The following PITPNA variants were observed in gnomAD, a reference collection of about 807,000 sequenced individuals.
The protein encoded by PITPNA is phosphatidylinositol transfer protein alpha.
In PITPNA, 13 loss-of-function variants were observed where a neutral mutation model predicts 50.3. That is an observed-to-expected ratio of 0.26 (90% confidence interval 0.17 to 0.41). The LOEUF (loss-of-function observed/expected upper bound fraction) is 0.41, where lower values mean the gene tolerates loss of function less well. Among genes scored for constraint, PITPNA ranks in the 10% least tolerant of loss-of-function variants. The pLI is 1.00. For synonymous variants in PITPNA, 120 were observed against 119.6 expected (o/e 1.00, Z -0.02); for missense variants, 207 against 333.4 (o/e 0.62, Z 2.95).
chr17:1,561,588 G>A (rs1373629060), intron 1 of PITPNA, among the ~76,000 whole-genome samples: 2 of 151,844 alleles, frequency 1.3e-5, no homozygotes, highest in African/African-American at 2.4e-5. Flanking sequence ...TCTCCACTTC[G>A]GACCCTACCC....
chr17:1,542,872 C>T lies in PITPNA; in HGVS notation c.297+148G>A, dbSNP rs2075654699. On this transcript the variant is annotated intron_variant, in intron 5 of 11. Transcript: ENST00000313486. ...AGGTCATCATGCCAGTTAACAGGTT[C>T]CTTGTTAGTCCACTGACAGGACTGA... The T allele has an allele frequency of 2.3e-5, 14 of 609,580 alleles. No homozygotes were observed. The Admixed American group carries it at 3.8e-4, about 16-fold the overall frequency. The allele number at this position is 609,580 out of a possible 1,614,324, so 37.8% of individuals were successfully genotyped here.
chr17:1,526,023 C>T (rs2075545715), intron 10 of PITPNA, among the ~76,000 whole-genome samples: 1 of 152,252 alleles, frequency 6.6e-6, no homozygotes, highest in African/African-American at 2.4e-5. Flanking sequence ...ACACCCCCCT[C>T]CACTATATGG....
intron 4 of PITPNA, among the ~76,000 whole-genome samples, chr17:1,545,750 C>G (rs2075670503): frequency 6.6e-6 from 1 of 152,090 alleles, no homozygotes; most frequent in South Asian, 2.1e-4. Flanking sequence ...CAGAATGACA[C>G]AGAGAACAGG....
chr17:1,522,743 C>A (rs2075522830), intron 10 of PITPNA, among the ~76,000 whole-genome samples: 1 of 152,214 alleles, frequency 6.6e-6, no homozygotes, highest in Admixed American at 6.5e-5. Flanking sequence ...ACTAAACAGA[C>A]CAGTTCTCTC....
chr17:1,518,741 C>T lies in PITPNA; in HGVS notation c.*1820G>A, dbSNP rs2075489715. ...TCTTTCAAGATAACCCGCATCTGGA[C>T]TTCCCCTAGTTGATGAATGAAGGAA... On this transcript the variant is annotated 3_prime_UTR_variant, in exon 12 of 12. Coordinates refer to ENST00000313486, the MANE Select transcript of PITPNA (RefSeq NM_006224.4). 1 of 152,248 alleles carries T rather than the reference C, an allele frequency of 6.6e-6. No individual in the cohort carries two copies. Among genetic ancestry groups the T allele is most frequent in the African/African-American group, 2.4e-5 (1 of 41,462 alleles). 9.4% of individuals were successfully genotyped at this position (152,248 alleles called of 1,614,324 possible).
chr17:1,547,348 A>G (rs1263255811), intron 4 of PITPNA, among the ~76,000 whole-genome samples: 1 of 152,206 alleles, frequency 6.6e-6, no homozygotes, highest in Non-Finnish European at 1.5e-5. Context: ...CCTGGACAAC[A>G]GAGTGAGACA....
intron 1 of PITPNA, 35 bp from the exon 2 acceptor site, chr17:1,558,594 G>A (rs112883596): frequency 6.5e-7 from 1 of 1,535,660 alleles, no homozygotes; most frequent in Non-Finnish European, 9.0e-7. Context: ...TCAACTTTAG[G>A]CTGTGCAATC....
rs1277365072 is a variant in PITPNA at position 1,542,200 on chromosome 17, C to CG, written c.298-561dup. Among the ~76,000 whole-genome samples, 8 of 143,216 alleles carry CG rather than the reference C, an allele frequency of 5.6e-5. 1 individual carries two copies. Among genetic ancestry groups the CG allele is most frequent in the Admixed American group, 3.5e-4 (5 of 14,334 alleles). 94.0% of individuals were successfully genotyped at this position (143,216 alleles called of 152,430 possible). A position where few individuals can be genotyped will look rare whatever the true frequency, so the allele number is the denominator to read the frequency against. On this transcript the variant is annotated intron_variant, in intron 5 of 11. Coordinates refer to ENST00000313486, the MANE Select transcript of PITPNA (RefSeq NM_006224.4). ...AGGAAACAACAGCAAGACTCCGTTTCGAAAAAAAAAAAAAAGTCACAGAGA... is the reference window on the plus strand; with the variant it reads ...AGGAAACAACAGCAAGACTCCGTTTCGGAAAAAAAAAAAAAAGTCACAGAGA...
Position 1,534,150 on chromosome 17 carries a change from G to A in PITPNA, c.717C>T (p.Thr239=), listed in dbSNP as rs1598406197. The change falls in exon 10 of 12, where the codon ACC becomes ACT. Residue 239 remains threonine (T), a synonymous_variant. Coordinates refer to ENST00000313486, the MANE Select transcript of PITPNA (RefSeq NM_006224.4). The stretch of plus-strand genomic sequence containing the variant: ...CTTCCATCCTTCGAATGTCGTCCAT[G>A]GTCAGGTCAACCCACTTATCGAGCC... ...FCWLDKWVDL[T]MDDIRRMEEE... 1 of 1,613,788 alleles carries A rather than the reference G, an allele frequency of 6.2e-7. No individual in the cohort carries two copies. Among genetic ancestry groups the A allele is most frequent in the East Asian group, 2.2e-5 (1 of 44,862 alleles).
chr17:1,534,008 G>A (rs994312712), intron 10 of PITPNA, 91 bp downstream of exon 10: 4 of 1,455,004 alleles, frequency 2.7e-6, no homozygotes, highest in Non-Finnish European at 3.8e-6. Context: ...CAGAACTACA[G>A]GATGGTGCTC....
chr17:1,532,271 T>C (rs1178128019), intron 10 of PITPNA, among the ~76,000 whole-genome samples: 1 of 152,068 alleles, frequency 6.6e-6, no homozygotes, highest in Non-Finnish European at 1.5e-5. Flanking sequence ...TTATTTTTAG[T>C]AGAGACAGGG....
chr17:1,530,396 T>C (rs1003759980), intron 10 of PITPNA, among the ~76,000 whole-genome samples: 2 of 152,120 alleles, frequency 1.3e-5, no homozygotes, highest in Admixed American at 1.3e-4. Flanking sequence ...TACAGGCACA[T>C]AGTTCCAGAA....
At chr17:1,549,013 T>C (rs2075693615) in intron 3 of PITPNA, among the ~76,000 whole-genome samples, 1 of 152,210 alleles carries the variant, frequency 6.6e-6, no homozygotes, top group African/African-American at 2.4e-5. Context: ...GTTCAAGCGA[T>C]TCTCCCGCCT....
chr17:1,562,548 T>C lies in PITPNA; in HGVS notation c.13A>G (p.Lys5Glu). 1.4e-6 allele frequency: 2 copies of C among 1,405,032 alleles called. No individual in the cohort carries two copies. The highest frequency in any genetic ancestry group is 1.9e-6 in the Non-Finnish European group (2 of 1,070,998). The allele number at this position is 1,405,032 out of a possible 1,614,324, so 87.0% of individuals were successfully genotyped here. Reference sequence around the variant, plus strand: ...CGGCCGCCGGACACTCACTACTCCTTGAGCAGCACCATGTCGCTTCGCGGC... The same window carrying C: ...CGGCCGCCGGACACTCACTACTCCTCGAGCAGCACCATGTCGCTTCGCGGC... MVLLKEYRVILPVSV... is the reference protein window; with the variant it reads MVLLEEYRVILPVSV... Residue 5 changes from lysine (K) to glutamate (E), a missense_variant, in exon 1 of 12, where the codon AAG (lysine) becomes GAG (glutamate). Coordinates refer to ENST00000313486, the MANE Select transcript of PITPNA (RefSeq NM_006224.4). This position sits in a 1 kb window ranked among gnomAD's most constrained non-coding sequence, Gnocchi z 6.4.
chr17:1,521,719 T>G, intron 10 of PITPNA, 74 bp from the exon 11 acceptor site: 1 of 1,245,826 alleles, frequency 8.0e-7, no homozygotes, highest in Non-Finnish European at 1.2e-6. Flanking sequence ...GTCCTGCCCA[T>G]AGGTGGGGTG....
chr17:1,526,700 T>C (rs1316664680), intron 10 of PITPNA, among the ~76,000 whole-genome samples: 1 of 152,154 alleles, frequency 6.6e-6, no homozygotes, highest in African/African-American at 2.4e-5. Flanking sequence ...AGGAACATGA[T>C]AGCTTCCCCT....
chr17:1,552,965 C>A, intron 3 of PITPNA, 39 bp downstream of exon 3: 5 of 1,608,572 alleles, frequency 3.1e-6, no homozygotes, highest in Non-Finnish European at 3.4e-6. Flanking sequence ...CACACACACA[C>A]AAAAGCCAGC....
In PITPNA at chr17:1,562,746, G is replaced by A. The variant is rs1333952366; in HGVS notation, c.-186C>T. 2.1e-5 allele frequency: 4 copies of A among 194,620 alleles called. No individual in the cohort carries two copies. The highest frequency in any genetic ancestry group is 1.3e-4 in the Admixed American group (2 of 15,456). The allele number at this position is 194,620 out of a possible 1,614,324, so 12.1% of individuals were successfully genotyped here. A position where few individuals can be genotyped will look rare whatever the true frequency, so the allele number is the denominator to read the frequency against. On this transcript the variant is annotated 5_prime_UTR_variant, in exon 1 of 12. Coordinates refer to ENST00000313486, the MANE Select transcript of PITPNA (RefSeq NM_006224.4). This position sits in a 1 kb window ranked among gnomAD's most constrained non-coding sequence, Gnocchi z 6.4. ...TGCCGCCCGGGCCTCGTCGCCTCTC[G>A]CGCCGCTGCCGACGCCGCCCGGAGC...
intron 3 of PITPNA, among the ~76,000 whole-genome samples, chr17:1,550,440 C>G (rs1387220891): frequency 2.0e-5 from 3 of 152,108 alleles, no homozygotes; most frequent in African/African-American, 7.2e-5. Context: ...GTGGGAAAAG[C>G]TGGAGAAAAG....
Sources: allele counts gnomAD v4.1 joint callset (sites outside exome capture counted in the v4.1 genomes callset), GRCh38; gene constraint gnomAD v4.1.1; non-coding constraint Gnocchi (gnomAD v3.1); transcripts MANE v1.5; gene names NCBI Gene and HGNC (gene_info 2026-07-23, HGNC 2026-07-21).